The following PRAG1 variants were observed in gnomAD, a reference collection of about 807,000 sequenced individuals.
PRAG1 encodes PEAK1 related, kinase-activating pseudokinase 1.
In PRAG1, 110 loss-of-function variants were observed where a neutral mutation model predicts 95.6. The observed-to-expected ratio is 1.15, with a 90% CI of 0.99 to 1.35. PRAG1 has a LOEUF of 1.35. Among genes scored for constraint, PRAG1 ranks in the 40% most tolerant of loss-of-function variants. The probability of loss-of-function intolerance (pLI) is 0.00; values close to 1 mark genes in which losing one functional copy is unlikely to be tolerated. For missense variants in PRAG1, 2,554 were observed against 1,864.7 expected, an observed-to-expected ratio of 1.37 and a Z score of -6.81; for synonymous variants, 1,052 against 819.4, an observed-to-expected ratio of 1.28 and a Z score of -4.85.
Position 8,377,911 on chromosome 8 carries a change from G to A in PRAG1, c.498C>T (p.Asn166=), listed in dbSNP as rs1800483641. ...TGTTCCTCTCGCCGCGGGGCTCAAG[G>A]TTGTGCAGGCCGACCATGGTGTAAG... ...PPAYTMVGLH[N]LEPRGERNIA... Residue 166 remains asparagine, a synonymous_variant, in exon 3 of 6, where the codon AAC becomes AAT. Transcript: ENST00000615670. 2 of 1,614,128 alleles carry A rather than the reference G, an allele frequency of 1.2e-6. No individual in the cohort carries two copies. Among genetic ancestry groups the A allele is most frequent in the Non-Finnish European group, 1.7e-6 (2 of 1,180,036 alleles).
chr8:8,372,933 C>A (rs142246514), intron 3 of PRAG1, among the ~76,000 whole-genome samples: 1 of 152,200 alleles, frequency 6.6e-6, no homozygotes, highest in East Asian at 1.9e-4. Context: ...TGGAAAGAAA[C>A]AGTGTCCTGT....
chr8:8,367,842 C>T (rs1585265721), intron 3 of PRAG1, among the ~76,000 whole-genome samples: 1 of 152,132 alleles, frequency 6.6e-6, no homozygotes, highest in South Asian at 2.1e-4. Flanking sequence ...GGGGTTTCAC[C>T]ACGTTAGCCA....
chr8:8,318,723 A>G lies in PRAG1; in HGVS notation c.3652T>C (p.Leu1218=), dbSNP rs754816972. The G allele has an allele frequency of 1.2e-6, 2 of 1,608,600 alleles. No individual in the cohort carries two copies. The highest frequency in any genetic ancestry group is 2.2e-5 in the South Asian group (2 of 90,922). The change falls in exon 6 of 6, where the codon TTG becomes CTG. Residue 1218 remains leucine (L), a synonymous_variant. Coordinates refer to ENST00000615670, the MANE Select transcript of PRAG1 (RefSeq NM_001080826.3). The surrounding 1 kb of genome is among the most constrained non-coding windows in gnomAD (Gnocchi z 4.2). ...CCGCCCGGCTTCTGCTTGGCCTTCA[A>G]AAAGTTGCTGATGATGAGCCGGGGC... ...QLPRLIISNF[L]KAKQKPGGTP...
rs1457897610 is a variant in PRAG1 at position 8,369,128 on chromosome 8, T to C, written c.2162+7119A>G. Among the ~76,000 whole-genome samples the C allele has an allele frequency of 2.6e-5, 4 of 152,100 alleles. No individual in the cohort carries two copies. The East Asian group carries it at 7.7e-4, about 29-fold the overall frequency. On this transcript the variant is annotated intron_variant, in intron 3 of 5. Coordinates refer to ENST00000615670, the MANE Select transcript of PRAG1 (RefSeq NM_001080826.3). ...TTGAGCGAGAATAGTTGCAGAATCATGATGGGTCCCCAGTGAAATATCAGG... is the reference window on the plus strand; with the variant it reads ...TTGAGCGAGAATAGTTGCAGAATCACGATGGGTCCCCAGTGAAATATCAGG...
chr8:8,347,705 T>A (rs1046513782), intron 3 of PRAG1, among the ~76,000 whole-genome samples: 2 of 152,274 alleles, frequency 1.3e-5, no homozygotes, highest in South Asian at 2.1e-4. Context: ...CGCTGTTAGG[T>A]GTTGGGGATA....
In PRAG1 at chr8:8,319,127, T is replaced by TGGGCAGGGGGGTGTGTGGGCA; in HGVS notation, c.3227_3247dup (p.Leu1076_Ala1082dup). 6.2e-7 allele frequency: 1 copy of TGGGCAGGGGGGTGTGTGGGCA among 1,605,886 alleles called. No individual in the cohort carries two copies. The highest frequency in any genetic ancestry group is 8.5e-7 in the Non-Finnish European group (1 of 1,176,890). On this transcript the variant is annotated inframe_insertion, in exon 6 of 6. Transcript: ENST00000615670. Reference sequence around the variant, plus strand: ...GATGACCACCACGCAGTCCTGCTCCTGGGCAGGGGGGTGTGTGGGCAGGGC... The same window carrying TGGGCAGGGGGGTGTGTGGGCA: ...GATGACCACCACGCAGTCCTGCTCCTGGGCAGGGGGGTGTGTGGGCAGGGCAGGGGGGTGTGTGGGCAGGGC...
Position 8,377,200 on chromosome 8 carries a change from G to A in PRAG1, c.1209C>T (p.Pro403=), listed in dbSNP as rs188631645. The change falls in exon 3 of 6, where the codon CCC becomes CCT. Residue 403 remains proline (P), a synonymous_variant. Transcript: ENST00000615670. ...LTGEPQPPAH[P]REATQPEPIY... is the part of the protein sequence containing the mutation. Reference sequence around the variant, plus strand: ...TGGGTTCAGGCTGTGTAGCCTCCCGGGGGTGGGCCGGGGGCTGGGGCTCCC... The same window carrying A: ...TGGGTTCAGGCTGTGTAGCCTCCCGAGGGTGGGCCGGGGGCTGGGGCTCCC... 16 of 1,611,662 alleles carry A rather than the reference G, an allele frequency of 9.9e-6. No individual in the cohort carries two copies. Among genetic ancestry groups the A allele is most frequent in the Non-Finnish European group, 1.3e-5 (15 of 1,179,740 alleles).
intron 3 of PRAG1, among the ~76,000 whole-genome samples, chr8:8,352,343 T>C (rs932850374): frequency 1.3e-5 from 2 of 152,194 alleles, no homozygotes; most frequent in Admixed American, 6.5e-5. Context: ...CCATTCTGGA[T>C]ATCCCCAAGC....
At chr8:8,349,292 A>ATTTAT (rs1285003837) in intron 3 of PRAG1, among the ~76,000 whole-genome samples, 3 of 150,604 alleles carry the variant, frequency 2.0e-5, no homozygotes, top group Admixed American at 1.3e-4. Flanking sequence ...TTATTTATTT[A>ATTTAT]TTTTTTGAGA....
chr8:8,369,970 G>A (rs1353628655), intron 3 of PRAG1, among the ~76,000 whole-genome samples: 1 of 152,154 alleles, frequency 6.6e-6, no homozygotes, highest in Non-Finnish European at 1.5e-5. Flanking sequence ...GGATCCTTAA[G>A]GAACAGAACC....
chr8:8,339,503 T>A lies in PRAG1; in HGVS notation c.2295A>T (p.Ser765=). Reference sequence around the variant, plus strand: ...CTCCATCGCTGCAGGTCCTAGAGTCTGAGGCCAGGCTGTCCGTGGAGCCGG... The same window carrying A: ...CTCCATCGCTGCAGGTCCTAGAGTCAGAGGCCAGGCTGTCCGTGGAGCCGG... ...FTTGSTDSLA[S]DSRTCSDGGP... Residue 765 remains serine, a synonymous_variant, in exon 4 of 6, where the codon TCA becomes TCT. Coordinates refer to ENST00000615670, the MANE Select transcript of PRAG1 (RefSeq NM_001080826.3). 6.2e-7 allele frequency: 1 copy of A among 1,614,170 alleles called. No homozygotes were observed. Among genetic ancestry groups the A allele is most frequent in the African/African-American group, 1.3e-5 (1 of 75,054 alleles).
At chr8:8,325,030 C>A (rs1798590340) in intron 5 of PRAG1, among the ~76,000 whole-genome samples, 1 of 152,206 alleles carries the variant, frequency 6.6e-6, no homozygotes, top group Admixed American at 6.5e-5. Context: ...AAACGAGGCT[C>A]CGTCTGCCTT....
At chr8:8,375,972 G>A (rs1800371405) in intron 3 of PRAG1, among the ~76,000 whole-genome samples, 1 of 152,162 alleles carries the variant, frequency 6.6e-6, no homozygotes, top group Non-Finnish European at 1.5e-5. Context: ...TAAAAATACA[G>A]GCACCAACAA....
chr8:8,334,111 G>C (rs1046280742), intron 4 of PRAG1, among the ~76,000 whole-genome samples: 1 of 152,182 alleles, frequency 6.6e-6, no homozygotes, highest in African/African-American at 2.4e-5. Flanking sequence ...CACAGTCAGA[G>C]CAGGTTCAAC....
Position 8,330,314 on chromosome 8 carries a change from C to A in PRAG1, c.2321-1853G>T, listed in dbSNP as rs138214279. ...CTAGGAGTCAGAAATTGCAGTGAGC[C>A]GAGACTGTGCCACCGCACTCCCACC... On this transcript the variant is annotated intron_variant, in intron 4 of 5. Coordinates refer to ENST00000615670, the MANE Select transcript of PRAG1 (RefSeq NM_001080826.3). Among the ~76,000 whole-genome samples the A allele has an allele frequency of 1.3e-5, 2 of 152,104 alleles. 1 individual carries two copies.
chr8:8,318,049 C>A lies in PRAG1; in HGVS notation c.*105G>T, dbSNP rs2117087710. The stretch of plus-strand genomic sequence containing the variant: ...ATTTATATATTTTACATCCAGGTAT[C>A]CCAGTCATCTGTACCATTTCCCAGG... On this transcript the variant is annotated 3_prime_UTR_variant, in exon 6 of 6. Coordinates refer to ENST00000615670, the MANE Select transcript of PRAG1 (RefSeq NM_001080826.3). The surrounding 1 kb of genome is among the most constrained non-coding windows in gnomAD (Gnocchi z 4.2). 1 of 1,011,080 alleles carries A rather than the reference C, an allele frequency of 9.9e-7. No individual in the cohort carries two copies. The highest frequency in any genetic ancestry group is 1.4e-6 in the Non-Finnish European group (1 of 712,340). The allele number at this position is 1,011,080 out of a possible 1,614,324, so 62.6% of individuals were successfully genotyped here. A position where few individuals can be genotyped will look rare whatever the true frequency, so the allele number is the denominator to read the frequency against.
At chr8:8,378,396 C>T (rs1800509903) in intron 2 of PRAG1, among the ~76,000 whole-genome samples, 2 of 152,214 alleles carry the variant, frequency 1.3e-5, no homozygotes, top group Admixed American at 6.5e-5. Context: ...AACACTGTGC[C>T]TTCTTCCTCC....
At chr8:8,379,048 G>C (rs865938448) in intron 2 of PRAG1, among the ~76,000 whole-genome samples, 31 of 150,110 alleles carry the variant, frequency 2.1e-4, no homozygotes, top group African/African-American at 7.4e-4. Context: ...CTTCTGAACC[G>C]GATCAGAGTG....
chr8:8,335,330 A>G (rs985792015), intron 4 of PRAG1, among the ~76,000 whole-genome samples: 2 of 152,210 alleles, frequency 1.3e-5, no homozygotes, highest in Non-Finnish European at 2.9e-5. Context: ...AAAAATAAGC[A>G]GCAATTTCAA....
Sources: gnomAD v4.1 joint callset for allele counts (sites outside exome capture counted in the v4.1 genomes callset) on GRCh38, gnomAD v4.1.1 for gene constraint, Gnocchi (gnomAD v3.1) non-coding constraint, MANE v1.5 for transcripts, NCBI Gene and HGNC (gene_info 2026-07-23, HGNC 2026-07-21) for gene names.